CNOT4: variants seen among roughly 807,000 people sequenced by gnomAD.
CNOT4 encodes CCR4-associated factor 4.
A neutral mutation model predicts 73.8 loss-of-function variants in CNOT4; 8 were observed. The ratio of observed to expected loss-of-function variants is 0.11; its 90% CI spans 0.06 to 0.20. CNOT4 has a LOEUF of 0.20. CNOT4 is among the 10% of genes least tolerant of loss of function. The probability of loss-of-function intolerance (pLI) is 1.00; values close to 1 mark genes in which losing one functional copy is unlikely to be tolerated. For missense variants in CNOT4, 564 were observed against 883.4 expected (o/e 0.64, Z 4.58); for synonymous variants, 293 against 321.1 (o/e 0.91, Z 0.94).
At chr7:135,441,547 T>C (rs564814859) in intron 1 of CNOT4, among the ~76,000 whole-genome samples, 4 of 152,200 alleles carry the variant, frequency 2.6e-5, no homozygotes, top group African/African-American at 7.2e-5. Context: ...CAGACTCAAA[T>C]ATCGGTTCCA....
At chr7:135,476,758 G>A (rs1802020091) in intron 1 of CNOT4, among the ~76,000 whole-genome samples, 1 of 152,174 alleles carries the variant, frequency 6.6e-6, no homozygotes, top group African/African-American at 2.4e-5. Context: ...GATCACTTGA[G>A]CTCTGGAGTT....
intron 1 of CNOT4, among the ~76,000 whole-genome samples, chr7:135,471,164 C>T (rs1013809167): frequency 6.6e-6 from 1 of 151,952 alleles, no homozygotes; most frequent in Non-Finnish European, 1.5e-5. Flanking sequence ...ACATACCTTG[C>T]AACTCTAAAC....
At chr7:135,501,107 C>A (rs1803935836) in intron 1 of CNOT4, among the ~76,000 whole-genome samples, 1 of 151,816 alleles carries the variant, frequency 6.6e-6, no homozygotes, top group Admixed American at 6.6e-5. Flanking sequence ...GCCTCAGCCT[C>A]CCAAGTAGCT....
intron 10 of CNOT4, among the ~76,000 whole-genome samples, chr7:135,376,577 C>A (rs3812274): frequency 1.3e-5 from 2 of 151,852 alleles, no homozygotes; most frequent in Non-Finnish European, 2.9e-5. Context: ...TGGTTATATA[C>A]CTATTGAAAT....
intron 6 of CNOT4, among the ~76,000 whole-genome samples, chr7:135,411,742 G>A (rs1243605014): frequency 1.3e-5 from 2 of 151,756 alleles, no homozygotes; most frequent in African/African-American, 4.8e-5. Flanking sequence ...AAACCAAAAC[G>A]GAACAAATCA....
intron 1 of CNOT4, among the ~76,000 whole-genome samples, chr7:135,480,549 T>G (rs547910215): frequency 6.6e-6 from 1 of 152,282 alleles, no homozygotes; most frequent in South Asian, 2.1e-4. Context: ...ATGCAGATTC[T>G]GGAAATGTTG....
At chr7:135,436,338 A>G (rs1184566928) in intron 2 of CNOT4, among the ~76,000 whole-genome samples, 2 of 151,700 alleles carry the variant, frequency 1.3e-5, no homozygotes, top group Non-Finnish European at 1.5e-5. Context: ...AGGTGACTTC[A>G]TAACATCCCA....
intron 7 of CNOT4, among the ~76,000 whole-genome samples, chr7:135,408,135 T>C (rs1797398045): frequency 6.6e-6 from 1 of 152,188 alleles, no homozygotes; most frequent in African/African-American, 2.4e-5. Flanking sequence ...GTTCTACTTG[T>C]AGGAACAATC....
chr7:135,449,129 A>C (rs1035376535), intron 1 of CNOT4, among the ~76,000 whole-genome samples: 4 of 152,180 alleles, frequency 2.6e-5, no homozygotes, highest in African/African-American at 9.7e-5. Flanking sequence ...ACAGCAAGAC[A>C]AAGTATACGA....
chr7:135,492,813 C>A (rs1019167330), intron 1 of CNOT4, among the ~76,000 whole-genome samples: 2 of 152,034 alleles, frequency 1.3e-5, no homozygotes, highest in South Asian at 4.2e-4. Context: ...CCATGAAGTG[C>A]CTTAAATGGG....
rs1243841740 is a variant in CNOT4, at chr7:135,394,211, G to A, written c.1334C>T (p.Thr445Ile). The A allele has an allele frequency of 1.2e-6, 2 of 1,614,216 alleles. No individual in the cohort carries two copies. Among genetic ancestry groups the A allele is most frequent in the Admixed American group, 1.7e-5 (1 of 60,028 alleles). ...SLQNSSSHTT[T>I]AKGPGSGFLH... is the part of the protein sequence containing the mutation. ...GAATCCAGAGCCTGGACCTTTGGCG[G>A]TTGTAGTGTGTGAAGAGGAGTTCTG... The change falls in exon 10 of 12, where the codon ACC becomes ATC. Residue 445 changes from threonine (T) to isoleucine (I), a missense_variant. Thr to Ile is a moderately conservative substitution (Grantham distance 89). Transcript: ENST00000541284.
intron 1 of CNOT4, among the ~76,000 whole-genome samples, chr7:135,476,495 G>C (rs901443174): frequency 6.6e-5 from 10 of 152,170 alleles, no homozygotes; most frequent in African/African-American, 2.2e-4. Context: ...TATTTAAAAA[G>C]TAAAAGCATA....
chr7:135,449,170 C>A (rs1046558147), intron 1 of CNOT4, among the ~76,000 whole-genome samples: 1 of 151,996 alleles, frequency 6.6e-6, no homozygotes, highest in East Asian at 1.9e-4. Context: ...ACAAAGGAAA[C>A]TATATTTTAG....
At chr7:135,396,424 C>T (rs1796697844) in intron 8 of CNOT4, among the ~76,000 whole-genome samples, 1 of 151,720 alleles carries the variant, frequency 6.6e-6, no homozygotes, top group Non-Finnish European at 1.5e-5. Flanking sequence ...GCCATCTCCT[C>T]TCTTTTTACA....
At chr7:135,472,266 A>T in intron 1 of CNOT4, among the ~76,000 whole-genome samples, 1 of 150,300 alleles carries the variant, frequency 6.7e-6, no homozygotes, top group East Asian at 2.0e-4. Context: ...TCATGAGGTC[A>T]GGAGATCGAG....
At position 135,363,970 on chromosome 7, in the gene CNOT4, G is replaced by A; in HGVS notation, c.1724C>T (p.Pro575Leu). The change falls in exon 11 of 12, where the codon CCC (proline) becomes CTC (leucine). Residue 575 changes from proline (P) to leucine (L), a missense_variant. By Grantham distance (98) the Pro-to-Leu change is moderately conservative. This residue lies in a region of CNOT4 where 53 missense variants were observed against 75.4 expected (regional missense o/e 0.70). Transcript: ENST00000541284. This position sits in a 1 kb window ranked among gnomAD's most constrained non-coding sequence, Gnocchi z 4.3. ...PNININFGGLPNSSSPSNANH... is the reference protein window; with the variant it reads ...PNININFGGLLNSSSPSNANH... ...GGCGTTGGAGGGGGAAGAAGAATTG[G>A]GCAGTCCACCAAAGTTGATGTTAAT... 3.1e-6 allele frequency: 5 copies of A among 1,598,304 alleles called. No individual in the cohort carries two copies. The highest frequency in any genetic ancestry group is 4.2e-6 in the Non-Finnish European group (5 of 1,179,740).
chr7:135,409,979 G>C (rs1389251279), intron 7 of CNOT4, among the ~76,000 whole-genome samples: 1 of 152,056 alleles, frequency 6.6e-6, no homozygotes, highest in African/African-American at 2.4e-5. Context: ...ACCATAATGA[G>C]ATGGAAGATA....
chr7:135,497,186 T>C (rs888417923), intron 1 of CNOT4, among the ~76,000 whole-genome samples: 14 of 152,004 alleles, frequency 9.2e-5, no homozygotes, highest in African/African-American at 7.2e-5. Context: ...GGCAGGCGGA[T>C]TGCTTGAGGC....
rs147855067 is a variant in CNOT4, at chr7:135,438,897, C to T, written c.-92-474G>A. Among the ~76,000 whole-genome samples the T allele has an allele frequency of 2.3e-4, 35 of 152,182 alleles. No homozygotes were observed. The East Asian group carries it at 6.6e-3, about 29-fold the overall frequency. On this transcript the variant is annotated intron_variant, in intron 1 of 11. Coordinates refer to ENST00000541284, the MANE Select transcript of CNOT4 (RefSeq NM_001190850.2). ...ACATCAAACTCTTGACACAGAGAAACATAGGCTAAAACTCAGAAAAACTCG... is the reference window on the plus strand; with the variant it reads ...ACATCAAACTCTTGACACAGAGAAATATAGGCTAAAACTCAGAAAAACTCG...
Sources: gnomAD v4.1 joint callset for allele counts (sites outside exome capture counted in the v4.1 genomes callset) on GRCh38, gnomAD v4.1.1 for gene constraint, gnomAD v4.1.1 regional missense constraint, Gnocchi (gnomAD v3.1) non-coding constraint, MANE v1.5 for transcripts, NCBI Gene and HGNC (gene_info 2026-07-23, HGNC 2026-07-21) for gene names.